ARHGEF10L: variants seen among roughly 807,000 people sequenced by gnomAD.
ARHGEF10L encodes the protein rho guanine nucleotide exchange factor 10-like protein.
ARHGEF10L carries 69 observed loss-of-function variants against 141.2 expected under a neutral mutation model. The observed-to-expected ratio is 0.49, with a 90% CI of 0.40 to 0.60. The LOEUF is 0.60. Among genes scored for constraint, ARHGEF10L ranks in the 20% least tolerant of loss-of-function variants. The pLI, the probability that ARHGEF10L is intolerant of heterozygous loss-of-function variation, is 0.00. For synonymous variants in ARHGEF10L, 711 were observed against 718.5 expected, an observed-to-expected ratio of 0.99 and a Z score of 0.17; for missense variants, 1,482 against 1,734.3, an observed-to-expected ratio of 0.85 and a Z score of 2.58.
chr1:17,607,240 C>T lies in ARHGEF10L; in HGVS notation c.434-562C>T, dbSNP rs931204572. Among the ~76,000 whole-genome samples the T allele has an allele frequency of 7.9e-5, 12 of 152,082 alleles. No individual in the cohort carries two copies. Among genetic ancestry groups the T allele is most frequent in the Admixed American group, 6.6e-5 (1 of 15,262 alleles). ...CTGTAACCCTGGCACTTTGGGAGGC[C>T]GTGGCAGGAGGATCACTTGAGTCCA... On this transcript the variant is annotated intron_variant, in intron 6 of 28. Transcript: ENST00000361221. The surrounding 1 kb of genome is among the most constrained non-coding windows in gnomAD (Gnocchi z 4.5).
At chr1:17,631,174 T>C (rs2060667604) in intron 15 of ARHGEF10L, among the ~76,000 whole-genome samples, 2 of 152,128 alleles carry the variant, frequency 1.3e-5, no homozygotes, top group South Asian at 4.1e-4. Context: ...ATCTGTCCTT[T>C]TCCCAGACAG....
At chr1:17,532,333 T>C in the ARHGEF10L span, among the ~76,000 whole-genome samples, 1 of 152,134 alleles carries the variant, frequency 6.6e-6, no homozygotes, top group Non-Finnish European at 1.5e-5. Context: ...GCAAAGACCT[T>C]GTCTCCTTGT....
chr1:17,687,183 G>A (rs550481416), intron 26 of ARHGEF10L, among the ~76,000 whole-genome samples: 247 of 152,128 alleles, frequency 1.6e-3, no homozygotes, highest in African/African-American at 5.3e-3. Context: ...TTTCCCTTCC[G>A]TAAGGTAAAG....
At position 17,636,555 on chromosome 1, in the gene ARHGEF10L, G is replaced by A. The variant is rs143414100; in HGVS notation, c.1928-1333G>A. 5.9e-5 allele frequency among the ~76,000 whole-genome samples: 9 copies of A among 152,240 alleles called. No homozygotes were observed. The South Asian group carries it at 6.2e-4, about 11-fold the overall frequency. On this transcript the variant is annotated intron_variant, in intron 18 of 28. Transcript: ENST00000361221. ...GTAGAGCAGGTTCCTCTGCGCTTTC[G>A]TGCCTGTGCCACAGGGTGCCCTGTG... is the stretch of plus-strand genomic sequence containing the variant.
At chr1:17,548,349 G>A (rs971947066) in intron 1 of ARHGEF10L, among the ~76,000 whole-genome samples, 9 of 152,130 alleles carry the variant, frequency 5.9e-5, no homozygotes, top group Non-Finnish European at 1.2e-4. Flanking sequence ...AGGAGCTTAC[G>A]TAACATTTTA....
In ARHGEF10L at chr1:17,614,478, C is replaced by T. The variant is rs1164315586; in HGVS notation, c.726+1304C>T. On this transcript the variant is annotated intron_variant, in intron 8 of 28. Coordinates refer to ENST00000361221, the MANE Select transcript of ARHGEF10L (RefSeq NM_018125.4). ...GCCCAGGAAAATGCCAAGAGAAGGG[C>T]CTCAGATGATCCCTTGAAAGACCAC... Among the ~76,000 whole-genome samples, 5 of 152,250 alleles carry T rather than the reference C, an allele frequency of 3.3e-5. 1 individual carries two copies. The highest frequency in any genetic ancestry group is 3.3e-4 in the Admixed American group (5 of 15,300).
chr1:17,550,001 G>C (rs933076023), intron 1 of ARHGEF10L, among the ~76,000 whole-genome samples: 2 of 152,172 alleles, frequency 1.3e-5, no homozygotes, highest in African/African-American at 4.8e-5. Context: ...CTTTGCAAAA[G>C]ATCCCATGTC....
At chr1:17,616,923 A>T (rs2059840097) in intron 9 of ARHGEF10L, among the ~76,000 whole-genome samples, 1 of 152,182 alleles carries the variant, frequency 6.6e-6, no homozygotes, top group Non-Finnish European at 1.5e-5. Context: ...CTGAGTATTT[A>T]TTGTGTGCCA....
At position 17,687,607 on chromosome 1, in the gene ARHGEF10L, G is replaced by A. The variant is rs148389199; in HGVS notation, c.3044G>A (p.Ser1015Asn). 23 of 1,613,162 alleles carry A rather than the reference G, an allele frequency of 1.4e-5. No homozygotes were observed. The highest frequency in any genetic ancestry group is 2.2e-5 in the South Asian group (2 of 91,080). The change falls in exon 27 of 29, where the codon AGC becomes AAC. Residue 1015 changes from serine to asparagine, a missense_variant. This residue lies in a region of ARHGEF10L where 858 missense variants were observed against 966.3 expected (regional missense o/e 0.89). Transcript: ENST00000361221. ...SFEAHQDEAV[S>N]VTHMVKAGSG... The stretch of plus-strand genomic sequence containing the variant: ...GAGGCGCACCAGGACGAGGCAGTGA[G>A]CGTGACACACATGGTGAAGGCGGGC...
At chr1:17,542,532 A>G (rs1038770453) in intron 1 of ARHGEF10L, among the ~76,000 whole-genome samples, 2 of 152,210 alleles carry the variant, frequency 1.3e-5, no homozygotes, top group African/African-American at 4.8e-5. Context: ...GCTGAGTGCC[A>G]GGTGTTGGGC....
chr1:17,579,313 C>T (rs2078371674), intron 1 of ARHGEF10L, among the ~76,000 whole-genome samples: 1 of 152,160 alleles, frequency 6.6e-6, no homozygotes, highest in African/African-American at 2.4e-5. Flanking sequence ...AGACACTGTG[C>T]CCGGCTCGGA....
intron 27 of ARHGEF10L, chr1:17,690,010 C>A: frequency 2.8e-6 from 1 of 356,928 alleles, no homozygotes. Flanking sequence ...GAAGGGCATT[C>A]GTTGTTATGA....
chr1:17,538,358 G>A (rs1384508550), upstream of ARHGEF10L, among the ~76,000 whole-genome samples: 2 of 152,288 alleles, frequency 1.3e-5, no homozygotes, highest in Admixed American at 1.3e-4. Flanking sequence ...TGTCTCCTGC[G>A]TGCCTAGAAC....
Position 17,573,540 on chromosome 1 carries a change from C to T in ARHGEF10L, c.-43-7013C>T, listed in dbSNP as rs1051519327. Among the ~76,000 whole-genome samples the T allele has an allele frequency of 2.6e-5, 4 of 152,022 alleles. No homozygotes were observed. Among genetic ancestry groups the T allele is most frequent in the South Asian group, 2.1e-4 (1 of 4,802 alleles). ...CACTCCTTCTGCTGGGCTGGATCGC[C>T]GGGGACAAAGGGGTTAATGTGTCTG... is the stretch of plus-strand genomic sequence containing the variant. On this transcript the variant is annotated intron_variant, in intron 1 of 28. Transcript: ENST00000361221. The surrounding 1 kb of genome is among the most constrained non-coding windows in gnomAD (Gnocchi z 4.8).
upstream of ARHGEF10L, among the ~76,000 whole-genome samples, chr1:17,534,957 G>A (rs2076554243): frequency 6.6e-6 from 1 of 152,138 alleles, no homozygotes; most frequent in Non-Finnish European, 1.5e-5. Context: ...TTTCGGGGAT[G>A]TGGAAGACAA....
At chr1:17,663,202 G>A in intron 25 of ARHGEF10L, among the ~76,000 whole-genome samples, 1 of 152,186 alleles carries the variant, frequency 6.6e-6, no homozygotes, top group Non-Finnish European at 1.5e-5. Context: ...CTTGGGCCAG[G>A]CTCCTAGGTC....
At chr1:17,636,454 C>G (rs532715774) in intron 18 of ARHGEF10L, among the ~76,000 whole-genome samples, 7 of 152,284 alleles carry the variant, frequency 4.6e-5, no homozygotes, top group African/African-American at 9.6e-5. Flanking sequence ...AAATTAACAG[C>G]ATTAATGTAA....
At chr1:17,545,166 G>A (rs1306232060) in intron 1 of ARHGEF10L, among the ~76,000 whole-genome samples, 1 of 152,170 alleles carries the variant, frequency 6.6e-6, no homozygotes, top group Non-Finnish European at 1.5e-5. Context: ...TCCATTCAGT[G>A]ATGTCACATT....
At chr1:17,596,766 C>T (rs780653835) in intron 4 of ARHGEF10L, among the ~76,000 whole-genome samples, 3 of 152,312 alleles carry the variant, frequency 2.0e-5, no homozygotes, top group East Asian at 3.9e-4. Flanking sequence ...GGGGGCCCGG[C>T]GCGGTGGCTC....
Sources: gnomAD v4.1 joint callset for allele counts (sites outside exome capture counted in the v4.1 genomes callset) on GRCh38, gnomAD v4.1.1 for gene constraint, gnomAD v4.1.1 regional missense constraint, Gnocchi (gnomAD v3.1) non-coding constraint, MANE v1.5 for transcripts, NCBI Gene and HGNC (gene_info 2026-07-23, HGNC 2026-07-21) for gene names.